KDM7A: variants seen among roughly 807,000 people sequenced by gnomAD.
KDM7A encodes the protein lysine demethylase 7A.
A neutral mutation model predicts 114.8 loss-of-function variants in KDM7A; 28 were observed. The ratio of observed to expected loss-of-function variants is 0.24; its 90% confidence interval spans 0.18 to 0.33. KDM7A has a LOEUF of 0.33. KDM7A is among the 10% of genes least tolerant of loss of function. KDM7A has a pLI of 1.00. For synonymous variants in KDM7A, 423 were observed against 397.8 expected (o/e 1.06, Z -0.75); for missense variants, 942 against 1,142.5 (o/e 0.82, Z 2.53).
chr7:140,150,915 G>A lies in KDM7A; in HGVS notation c.195-11725C>T, dbSNP rs113838301. Among the ~76,000 whole-genome samples the A allele has an allele frequency of 2.7e-3, 399 of 145,226 alleles. 4 individuals are homozygous for A. The highest frequency in any genetic ancestry group is 9.9e-3 in the African/African-American group (381 of 38,674). On this transcript the variant is annotated intron_variant, in intron 1 of 19. Coordinates refer to ENST00000397560, the MANE Select transcript of KDM7A (RefSeq NM_030647.2). ...ACAATCTCAGCTCAATGCAACCTCCGCCTCCCAGGTTCAAGCAATTCTCCT... is the reference window on the plus strand; with the variant it reads ...ACAATCTCAGCTCAATGCAACCTCCACCTCCCAGGTTCAAGCAATTCTCCT...
At chr7:140,138,071 A>G (rs554853305) in intron 2 of KDM7A, among the ~76,000 whole-genome samples, 1 of 152,308 alleles carries the variant, frequency 6.6e-6, no homozygotes, top group Admixed American at 6.5e-5. Flanking sequence ...TCATGCCTGA[A>G]ATCACAGCAC....
At position 140,096,803 on chromosome 7, in the gene KDM7A, T is replaced by C. The variant is rs373669245; in HGVS notation, c.2166-40A>G. 19 of 1,597,312 alleles carry C rather than the reference T, an allele frequency of 1.2e-5. No individual in the cohort carries two copies. In the African/African-American group the frequency reaches 1.9e-4, roughly 16 times the overall value. On this transcript the variant is annotated intron_variant, in intron 16 of 19. Coordinates refer to ENST00000397560, the MANE Select transcript of KDM7A (RefSeq NM_030647.2). ...ATCCAAAAACACAAGAGTCTATTTT[T>C]TCTGATGACATTTTTGGTAAAATTT...
intron 3 of KDM7A, 53 bp from the exon 4 acceptor site, chr7:140,129,706 A>T (rs1487600532): frequency 1.7e-6 from 2 of 1,168,204 alleles, no homozygotes; most frequent in Non-Finnish European, 2.5e-6. Context: ...AGGTCAGTTT[A>T]AAAAAAATAC....
intron 17 of KDM7A, among the ~76,000 whole-genome samples, chr7:140,095,334 C>G (rs1002006015): frequency 6.6e-6 from 1 of 152,154 alleles, no homozygotes; most frequent in Non-Finnish European, 1.5e-5. Flanking sequence ...CAAAAAGAGA[C>G]AAACCCAGAT....
At chr7:140,139,026 A>G in intron 2 of KDM7A, 79 bp downstream of exon 2, 1 of 869,718 alleles carries the variant, frequency 1.1e-6, no homozygotes, top group Non-Finnish European at 1.9e-6. Context: ...AGTATCATTA[A>G]AGTATTACCA....
At chr7:140,093,620 A>G (rs1283668584) in intron 18 of KDM7A, among the ~76,000 whole-genome samples, 1 of 152,240 alleles carries the variant, frequency 6.6e-6, no homozygotes, top group African/African-American at 2.4e-5. Context: ...TTGATAATGT[A>G]AGCAAAAGTT....
intron 14 of KDM7A, among the ~76,000 whole-genome samples, 172 bp downstream of exon 14, chr7:140,098,707 T>C (rs571697262): frequency 1.7e-4 from 26 of 152,336 alleles, no homozygotes; most frequent in Non-Finnish European, 3.4e-4. Context: ...TATACCTCAC[T>C]GGGCATTCAC....
At position 140,086,477 on chromosome 7, in the gene KDM7A, CTTAA is replaced by C. The variant is rs1455073144; in HGVS notation, c.*4613_*4616del. ...AAATAGACATTTGCTTCCTAATGACCTTAATTTTTAAAATTTATGTTAAGGATAT... is the reference window on the plus strand; with the variant it reads ...AAATAGACATTTGCTTCCTAATGACCTTTTTAAAATTTATGTTAAGGATAT... On this transcript the variant is annotated 3_prime_UTR_variant, in exon 20 of 20. Transcript: ENST00000397560. The C allele has an allele frequency of 1.3e-5, 2 of 152,056 alleles. No individual in the cohort carries two copies. The highest frequency in any genetic ancestry group is 3.9e-4 in the East Asian group (2 of 5,178). The allele number at this position is 152,056 out of a possible 1,614,324, so 9.4% of individuals were successfully genotyped here.
In KDM7A at chr7:140,127,558, A is replaced by G. The variant is rs201791731; in HGVS notation, c.585T>C (p.Ile195=). The stretch of plus-strand genomic sequence containing the variant: ...TGCTGTCTGCCTGCCTCGCCACATC[A>G]ATGACATCTATCACTTTGTCACCAC... ...YVGGDKVIDV[I]DVARQADSKM... Residue 195 remains isoleucine, a synonymous_variant, in exon 5 of 20, where the codon ATT becomes ATC. Coordinates refer to ENST00000397560, the MANE Select transcript of KDM7A (RefSeq NM_030647.2). The G allele has an allele frequency of 1.9e-5, 30 of 1,614,048 alleles. No individual in the cohort carries two copies. The African/African-American group carries it at 3.2e-4, about 17-fold the overall frequency.
chr7:140,176,871 C>T lies in KDM7A; in HGVS notation c.67G>A (p.Val23Met). 1.6e-6 allele frequency: 2 copies of T among 1,249,594 alleles called. No individual in the cohort carries two copies. The highest frequency in any genetic ancestry group is 2.4e-4 in the Middle Eastern group (1 of 4,182). The allele number at this position is 1,249,594 out of a possible 1,614,324, so 77.4% of individuals were successfully genotyped here. A position where few individuals can be genotyped will look rare whatever the true frequency, so the allele number is the denominator to read the frequency against. The part of the protein sequence containing the change: ...AAGAAAAAVS[V>M]AAPGRASAPP... ...GCCGAGGCCCGGCCGGGAGCCGCCA[C>T]CGACACGGCTGCCGCGGCGGCTCCA... is the stretch of plus-strand genomic sequence containing the variant. Residue 23 changes from valine (V) to methionine (M), a missense_variant, in exon 1 of 20, where the codon GTG (valine) becomes ATG (methionine). Val to Met is a conservative substitution (Grantham distance 21). Around this residue, in one of 4 missense-constraint regions of KDM7A, gnomAD observed 112 missense variants for 96.2 expected, o/e 1.16. Transcript: ENST00000397560. The surrounding 1 kb of genome is among the most constrained non-coding windows in gnomAD (Gnocchi z 4.4).
At chr7:140,157,427 A>G (rs1794469427) in intron 1 of KDM7A, among the ~76,000 whole-genome samples, 2 of 152,158 alleles carry the variant, frequency 1.3e-5, no homozygotes, top group South Asian at 4.1e-4. Flanking sequence ...CCGAGGTGGG[A>G]GGGTCGCCTG....
intron 18 of KDM7A, among the ~76,000 whole-genome samples, chr7:140,093,805 G>C (rs933123335): frequency 6.6e-6 from 1 of 152,186 alleles, no homozygotes; most frequent in Non-Finnish European, 1.5e-5. Context: ...TGGGTTGGCA[G>C]CCAGTGGTTT....
intron 7 of KDM7A, among the ~76,000 whole-genome samples, chr7:140,122,074 T>C (rs1246627743): frequency 1.3e-5 from 2 of 152,174 alleles, no homozygotes; most frequent in African/African-American, 2.4e-5. Context: ...CGTCCAGCAA[T>C]CTGTGTTGTA....
At chr7:140,171,576 T>G (rs1444533624) in intron 1 of KDM7A, among the ~76,000 whole-genome samples, 2 of 144,976 alleles carry the variant, frequency 1.4e-5, no homozygotes, top group Non-Finnish European at 3.0e-5. Flanking sequence ...TATTTATATA[T>G]ATATATTTTT....
chr7:140,174,458 ATACT>A (rs1794679511), intron 1 of KDM7A, among the ~76,000 whole-genome samples: 1 of 152,202 alleles, frequency 6.6e-6, no homozygotes, highest in Admixed American at 6.5e-5. Flanking sequence ...TTACAAGTGT[ATACT>A]TACATGTATT....
chr7:140,085,038 G>T lies in KDM7A; in HGVS notation c.*6056C>A, dbSNP rs1817900712. The T allele has an allele frequency of 6.6e-6, 1 of 152,166 alleles. No homozygotes were observed. The highest frequency in any genetic ancestry group is 2.4e-5 in the African/African-American group (1 of 41,422). The allele number at this position is 152,166 out of a possible 1,614,324, so 9.4% of individuals were successfully genotyped here. On this transcript the variant is annotated 3_prime_UTR_variant, in exon 20 of 20. Transcript: ENST00000397560. ...TAAATACTGTACACTTTCCCTGCCT[G>T]CAGGCAAAAGATGGGAAATACTGTT... is the stretch of plus-strand genomic sequence containing the variant.
intron 1 of KDM7A, among the ~76,000 whole-genome samples, chr7:140,149,984 G>C (rs1211090527): frequency 2.0e-5 from 3 of 152,148 alleles, no homozygotes; most frequent in Admixed American, 6.5e-5. Flanking sequence ...ATAGGTATTA[G>C]AGTGAAAGTC....
chr7:140,163,795 T>C (rs1794545581), intron 1 of KDM7A, among the ~76,000 whole-genome samples: 2 of 152,164 alleles, frequency 1.3e-5, no homozygotes, highest in Admixed American at 1.3e-4. Context: ...AAATCAGTGA[T>C]AATGGAAAAG....
chr7:140,171,396 G>C lies in KDM7A; in HGVS notation c.194+5348C>G, dbSNP rs570186936. Among the ~76,000 whole-genome samples, 18 of 151,116 alleles carry C rather than the reference G, an allele frequency of 1.2e-4. 1 individual carries two copies. In the South Asian group the frequency reaches 3.3e-3, roughly 28 times the overall value. The stretch of plus-strand genomic sequence containing the variant: ...AGGCAGGAGAATCATTTGAACCTGG[G>C]AGACAGAGGTTGCAGTGAGCCGAGA... On this transcript the variant is annotated intron_variant, in intron 1 of 19. Coordinates refer to ENST00000397560, the MANE Select transcript of KDM7A (RefSeq NM_030647.2).
Sources: allele counts gnomAD v4.1 joint callset (sites outside exome capture counted in the v4.1 genomes callset), GRCh38; gene constraint gnomAD v4.1.1; regional missense constraint gnomAD v4.1.1; non-coding constraint Gnocchi (gnomAD v3.1); transcripts MANE v1.5; gene names NCBI Gene and HGNC (gene_info 2026-07-23, HGNC 2026-07-21).